The following LRRC4C variants were observed in gnomAD, a reference collection of about 807,000 sequenced individuals.
LRRC4C encodes leucine-rich repeat-containing protein 4C.
Under a neutral mutation model 33.6 loss-of-function variants are expected in LRRC4C, and 5 were observed. The observed-to-expected ratio is 0.15, with a 90% CI of 0.08 to 0.31. LRRC4C has a LOEUF of 0.31. Among genes scored for constraint, LRRC4C ranks in the 10% least tolerant of loss-of-function variants. The probability of loss-of-function intolerance (pLI) is 1.00; values close to 1 mark genes in which losing one functional copy is unlikely to be tolerated. For synonymous variants in LRRC4C, 329 were observed against 302.0 expected, an observed-to-expected ratio of 1.09 and a Z score of -0.93; for missense variants, 560 against 796.7, an observed-to-expected ratio of 0.70 and a Z score of 3.58.
At chr11:41,451,825 C>T (rs1956034757) in intron 1 of LRRC4C, among the ~76,000 whole-genome samples, 1 of 151,988 alleles carries the variant, frequency 6.6e-6, no homozygotes, top group Middle Eastern at 3.2e-3. Context: ...GAGAAAATGA[C>T]CCTGAGCAAA....
At chr11:40,831,157 T>C (rs146499843) in intron 2 of LRRC4C, among the ~76,000 whole-genome samples, 328 of 152,248 alleles carry the variant, frequency 2.2e-3, no homozygotes, top group Non-Finnish European at 3.6e-3. Context: ...TCACAGAGAT[T>C]CTTCACTGGG....
chr11:41,338,392 AG>A (rs1356529827), intron 1 of LRRC4C, among the ~76,000 whole-genome samples: 1 of 152,204 alleles, frequency 6.6e-6, no homozygotes, highest in African/African-American at 2.4e-5. Flanking sequence ...TGTCCCTTGC[AG>A]GGACATGGAT....
intron 1 of LRRC4C, among the ~76,000 whole-genome samples, chr11:40,936,037 T>TATATATAC (rs1957873984): frequency 1.6e-5 from 1 of 60,780 alleles, no homozygotes; most frequent in African/African-American, 6.4e-5. Context: ...TATATATATA[T>TATATATAC]ATATATATAT....
intron 2 of LRRC4C, among the ~76,000 whole-genome samples, chr11:40,905,247 C>T (rs1209776333): frequency 6.6e-6 from 1 of 152,110 alleles, no homozygotes; most frequent in East Asian, 1.9e-4. Flanking sequence ...GAAAAACATG[C>T]ATTCTTAAAA....
At chr11:40,290,862 T>A (rs575689075) in intron 4 of LRRC4C, among the ~76,000 whole-genome samples, 1 of 152,284 alleles carries the variant, frequency 6.6e-6, no homozygotes, top group Non-Finnish European at 1.5e-5. Flanking sequence ...AGAAGTTTTA[T>A]TTCAAGCTCT....
At chr11:41,251,699 G>A (rs752939463) in intron 1 of LRRC4C, among the ~76,000 whole-genome samples, 14 of 152,178 alleles carry the variant, frequency 9.2e-5, no homozygotes, top group South Asian at 2.1e-4. Flanking sequence ...ATTAATTATC[G>A]TGCCTTGCCT....
chr11:41,290,199 T>C (rs1025840991), intron 1 of LRRC4C, among the ~76,000 whole-genome samples: 28 of 152,218 alleles, frequency 1.8e-4, no homozygotes, highest in African/African-American at 6.5e-4. Flanking sequence ...AGAAAGCAGT[T>C]AGTTTAATGA....
chr11:40,316,954 T>C (rs1476044612), intron 4 of LRRC4C, among the ~76,000 whole-genome samples: 1 of 151,764 alleles, frequency 6.6e-6, no homozygotes, highest in Admixed American at 6.6e-5. Context: ...AAAGATGTTA[T>C]AAAGGCTGTG....
At chr11:41,393,769 C>T (rs895593869) in intron 1 of LRRC4C, among the ~76,000 whole-genome samples, 13 of 151,896 alleles carry the variant, frequency 8.6e-5, no homozygotes, top group African/African-American at 3.1e-4. Context: ...AGTATCCTAT[C>T]ACATTTTGTA....
At chr11:40,757,100 T>G (rs1267823226) in intron 2 of LRRC4C, among the ~76,000 whole-genome samples, 1 of 152,048 alleles carries the variant, frequency 6.6e-6, no homozygotes, top group Non-Finnish European at 1.5e-5. Context: ...CCTTTCCCCA[T>G]GCCAACTCGA....
At chr11:40,948,690 C>T (rs1237279319) in intron 1 of LRRC4C, among the ~76,000 whole-genome samples, 2 of 149,428 alleles carry the variant, frequency 1.3e-5, no homozygotes, top group East Asian at 2.0e-4. Flanking sequence ...CTACAAAGGA[C>T]ATGAACTCAT....
At chr11:40,825,028 T>C (rs2135497549) in intron 2 of LRRC4C, among the ~76,000 whole-genome samples, 1 of 152,032 alleles carries the variant, frequency 6.6e-6, no homozygotes, top group South Asian at 2.1e-4. Flanking sequence ...GAACTGATGT[T>C]TATCAGTTAT....
chr11:40,930,498 T>G (rs1046917308), intron 2 of LRRC4C, among the ~76,000 whole-genome samples: 6 of 152,216 alleles, frequency 3.9e-5, no homozygotes, highest in Non-Finnish European at 7.3e-5. Context: ...ATACATCACA[T>G]GCAGACATGG....
chr11:40,865,022 GT>G (rs1245100405), intron 2 of LRRC4C, among the ~76,000 whole-genome samples: 1 of 152,122 alleles, frequency 6.6e-6, no homozygotes, highest in Non-Finnish European at 1.5e-5. Context: ...TACATAGGTT[GT>G]TTTCATGTCT....
intron 3 of LRRC4C, among the ~76,000 whole-genome samples, chr11:40,404,308 G>C (rs1410523079): frequency 6.6e-6 from 1 of 152,080 alleles, no homozygotes; most frequent in African/African-American, 2.4e-5. Flanking sequence ...GCTGAGCCCC[G>C]TCCAATTGAC....
At chr11:40,295,355 T>C (rs1349630681) in intron 4 of LRRC4C, among the ~76,000 whole-genome samples, 2 of 152,186 alleles carry the variant, frequency 1.3e-5, no homozygotes, top group Non-Finnish European at 2.9e-5. Flanking sequence ...TAAATAAATG[T>C]TCCTCTGTTT....
intron 1 of LRRC4C, among the ~76,000 whole-genome samples, chr11:41,448,102 C>T (rs1020978873): frequency 9.4e-5 from 6 of 63,792 alleles, no homozygotes; most frequent in East Asian, 6.1e-4. Flanking sequence ...GACACACAAA[C>T]GAGGCTGCTG....
intron 1 of LRRC4C, chr11:41,426,643 A>C (rs1351754125): frequency 6.6e-6 from 1 of 152,202 alleles, no homozygotes; most frequent in Non-Finnish European, 1.5e-5. Flanking sequence ...GTATTAGCTA[A>C]ATGTTTCAGT....
chr11:40,439,097 AT>A (rs200541047), intron 3 of LRRC4C, among the ~76,000 whole-genome samples: 590 of 134,672 alleles, frequency 4.4e-3, no homozygotes, highest in Middle Eastern at 0.011. Context: ...CCCCCAGCTA[AT>A]TTTTTTTTTT....
Sources: gnomAD v4.1 joint callset for allele counts (sites outside exome capture counted in the v4.1 genomes callset) on GRCh38, gnomAD v4.1.1 for gene constraint, MANE v1.5 for transcripts, NCBI Gene and HGNC (gene_info 2026-07-23, HGNC 2026-07-21) for gene names.